Variants in ABCC5 observed in about 807,000 individuals in gnomAD.
ABCC5 encodes the protein ATP binding cassette subfamily C member 5, also known as ATP-binding cassette sub-family C member 5.
ABCC5 carries 61 observed loss-of-function variants against 160.9 expected under a neutral mutation model. The ratio of observed to expected loss-of-function variants is 0.38; its 90% CI spans 0.31 to 0.47. The LOEUF is 0.47. Among genes scored for constraint, ABCC5 ranks in the 20% least tolerant of loss-of-function variants. The pLI is 0.99. For synonymous variants in ABCC5, 666 were observed against 700.6 expected (o/e 0.95, Z 0.78); for missense variants, 1,308 against 1,813.3 (o/e 0.72, Z 5.06).
chr3:183,952,048 C>A, intron 18 of ABCC5, 45 bp from the exon 19 acceptor site: 2 of 1,580,332 alleles, frequency 1.3e-6, no homozygotes, highest in Admixed American at 1.7e-5. Flanking sequence ...CTAACGACTG[C>A]CAAGAGCCCC....
At chr3:183,928,252 C>T (rs1186457728) in intron 27 of ABCC5, among the ~76,000 whole-genome samples, 5 of 151,974 alleles carry the variant, frequency 3.3e-5, no homozygotes. Flanking sequence ...GCTGGGATTA[C>T]AGGTGCATGC....
intron 29 of ABCC5, among the ~76,000 whole-genome samples, chr3:183,924,453 A>G (rs1712325394): frequency 6.6e-6 from 1 of 152,212 alleles, no homozygotes; most frequent in Admixed American, 6.5e-5. Context: ...CACTAAGCAC[A>G]GTGCCTGACA....
At chr3:183,981,602 T>C (rs1288386701) in intron 8 of ABCC5, 125 bp downstream of exon 8, 9 of 1,045,372 alleles carry the variant, frequency 8.6e-6, no homozygotes, top group Admixed American at 2.6e-5. Context: ...TATGATATTA[T>C]GTCCTACGAT....
intron 25 of ABCC5, among the ~76,000 whole-genome samples, chr3:183,940,224 G>A (rs745560876): frequency 3.3e-5 from 5 of 151,924 alleles, no homozygotes; most frequent in Admixed American, 2.6e-4. Context: ...GCCGGTGGGC[G>A]CAGCGGTTCA....
chr3:183,929,133 T>A (rs1712915692), intron 26 of ABCC5, among the ~76,000 whole-genome samples: 3 of 152,312 alleles, frequency 2.0e-5, no homozygotes, highest in South Asian at 2.1e-4. Context: ...TGCGTGTATT[T>A]GTTAAAATAC....
chr3:183,986,852 T>C (rs1719262950), intron 5 of ABCC5: 1 of 152,148 alleles, frequency 6.6e-6, no homozygotes, highest in African/African-American at 2.4e-5. Context: ...TGGTCAATTA[T>C]TAATAATATA....
chr3:183,963,550 G>A lies in ABCC5; in HGVS notation c.2070C>T (p.Arg690=), dbSNP rs373735397. The change falls in exon 15 of 30, where the codon CGC becomes CGT. Residue 690 remains arginine (R), a synonymous_variant. Coordinates refer to ENST00000334444, the MANE Select transcript of ABCC5 (RefSeq NM_005688.4). This position sits in a 1 kb window ranked among gnomAD's most constrained non-coding sequence, Gnocchi z 4.6. The stretch of plus-strand genomic sequence containing the variant: ...AGGCCCGGGCAAGGCTGATCCTCTG[G>A]CGCTGCCCACCGCTCAGGTTGGCTC... ...ERGANLSGGQ[R]QRISLARALY... is the part of the protein sequence containing the mutation. The A allele has an allele frequency of 6.2e-7, 1 of 1,614,032 alleles. No individual in the cohort carries two copies. The highest frequency in any genetic ancestry group is 1.3e-5 in the African/African-American group (1 of 74,928).
At position 183,947,824 on chromosome 3, in the gene ABCC5, C is replaced by T. The variant is rs140542968; in HGVS notation, c.3228-314G>A. On this transcript the variant is annotated intron_variant, in intron 22 of 29. Transcript: ENST00000334444. ...TGGGAAAAGAGACTGAATAAAGAGG[C>T]TTGTGTTAAACTTTAGAAAAATATC... Among the ~76,000 whole-genome samples the T allele has an allele frequency of 2.0e-3, 305 of 152,248 alleles. 3 individuals are homozygous for T. The highest frequency in any genetic ancestry group is 6.3e-3 in the Admixed American group (96 of 15,282).
In ABCC5 at chr3:183,953,178, A is replaced by G; in HGVS notation, c.2575T>C (p.Phe859Leu). 6.2e-7 allele frequency: 1 copy of G among 1,614,186 alleles called. No individual in the cohort carries two copies. The highest frequency in any genetic ancestry group is 8.5e-7 in the Non-Finnish European group (1 of 1,180,022). The change falls in exon 18 of 30, where the codon TTC (phenylalanine) becomes CTC (leucine). Residue 859 changes from phenylalanine (F) to leucine (L), a missense_variant. Physicochemically the swap from Phe to Leu is conservative, Grantham distance 22 (BLOSUM62 0). This residue lies in a region of ABCC5 where 1,142 missense variants were observed against 1,527.1 expected (regional missense o/e 0.75). Coordinates refer to ENST00000334444, the MANE Select transcript of ABCC5 (RefSeq NM_005688.4). ...YIQAAGGPLA[F>L]LVIMALFMLN... ...ATGAAAAGGGCCATAATAACCAGGAATGCCAAGGGGCCCCCAGCAGCCTGG... is the reference window on the plus strand; with the variant it reads ...ATGAAAAGGGCCATAATAACCAGGAGTGCCAAGGGGCCCCCAGCAGCCTGG...
chr3:184,005,574 G>A (rs1473606223), intron 2 of ABCC5, among the ~76,000 whole-genome samples: 2 of 142,160 alleles, frequency 1.4e-5, no homozygotes, highest in Non-Finnish European at 1.5e-5. Flanking sequence ...GTTTCTTTGC[G>A]TTGACCTTTT....
chr3:184,002,314 G>T (rs556403075), intron 2 of ABCC5, among the ~76,000 whole-genome samples: 2 of 151,824 alleles, frequency 1.3e-5, no homozygotes, highest in African/African-American at 2.4e-5. Context: ...CAGGAGAATT[G>T]CTTGAACCAA....
intron 11 of ABCC5, 63 bp from the exon 12 acceptor site, chr3:183,967,829 T>A: frequency 7.4e-7 from 1 of 1,359,814 alleles, no homozygotes; most frequent in African/African-American, 1.4e-5. Flanking sequence ...CGCTAAGGAC[T>A]TGAGGAAAAA....
chr3:183,968,958 A>T (rs559126169), intron 11 of ABCC5, among the ~76,000 whole-genome samples: 1 of 152,350 alleles, frequency 6.6e-6, no homozygotes, highest in African/African-American at 2.4e-5. Context: ...TAGTTGAACA[A>T]ATAGTTTTTG....
intron 10 of ABCC5, among the ~76,000 whole-genome samples, chr3:183,973,959 T>C (rs1717993464): frequency 6.6e-6 from 1 of 152,204 alleles, no homozygotes; most frequent in Admixed American, 6.5e-5. Context: ...AGCCCCATGT[T>C]TCCTTCCTAC....
chr3:183,933,251 G>T (rs1713355826), intron 26 of ABCC5, among the ~76,000 whole-genome samples: 1 of 151,574 alleles, frequency 6.6e-6, no homozygotes. Context: ...ACTGTTTCTT[G>T]CTAATGAATG....
At chr3:183,961,451 C>A in intron 16 of ABCC5, 60 bp downstream of exon 16, 1 of 1,588,086 alleles carries the variant, frequency 6.3e-7, no homozygotes, top group Non-Finnish European at 8.6e-7. Context: ...ATCACTCACT[C>A]CGGCTGTGTT....
chr3:184,000,219 C>T (rs1720636251), intron 2 of ABCC5, among the ~76,000 whole-genome samples: 2 of 151,712 alleles, frequency 1.3e-5, no homozygotes, highest in South Asian at 2.1e-4. Context: ...AAAGGGACAC[C>T]GTTAGCCCCA....
chr3:183,959,634 GT>G, intron 17 of ABCC5, 98 bp downstream of exon 17: 1 of 915,574 alleles, frequency 1.1e-6, no homozygotes, highest in South Asian at 1.6e-5. Context: ...TATTTATATT[GT>G]ACACACACTG....
chr3:183,945,437 C>T (rs988565055), intron 24 of ABCC5, among the ~76,000 whole-genome samples: 24 of 152,160 alleles, frequency 1.6e-4, no homozygotes, highest in Admixed American at 6.5e-5. Flanking sequence ...CAATCCACTG[C>T]AACAGAATCC....
Sources: gnomAD v4.1 joint callset for allele counts (sites outside exome capture counted in the v4.1 genomes callset) on GRCh38, gnomAD v4.1.1 for gene constraint, gnomAD v4.1.1 regional missense constraint, Gnocchi (gnomAD v3.1) non-coding constraint, MANE v1.5 for transcripts, NCBI Gene and HGNC (gene_info 2026-07-23, HGNC 2026-07-21) for gene names.